Variants in LRP1B observed in about 807,000 individuals in gnomAD.
LRP1B encodes the protein low-density lipoprotein receptor-related protein 1B.
A neutral mutation model predicts 556.6 loss-of-function variants in LRP1B; 217 were observed. The observed-to-expected ratio is 0.39, with a 90% confidence interval of 0.35 to 0.44. The LOEUF is 0.44. Ranked by LOEUF, LRP1B falls within the 20% of genes least tolerant of loss-of-function variation. The pLI, the probability that LRP1B is intolerant of heterozygous loss-of-function variation, is 1.00. For synonymous variants in LRP1B, 2,047 were observed against 1,865.8 expected (o/e 1.10, Z -2.50); for missense variants, 5,053 against 5,620.8 (o/e 0.90, Z 3.23).
At chr2:141,720,882 C>T (rs1405009244) in intron 2 of LRP1B, among the ~76,000 whole-genome samples, 2 of 152,086 alleles carry the variant, frequency 1.3e-5, no homozygotes, top group Non-Finnish European at 2.9e-5. Flanking sequence ...ATTTCCAATG[C>T]ATTTCTACTG....
At chr2:141,198,751 C>T (rs1298110375) in intron 6 of LRP1B, among the ~76,000 whole-genome samples, 5 of 152,126 alleles carry the variant, frequency 3.3e-5, no homozygotes, top group Admixed American at 2.6e-4. Context: ...CCCTTCCCTA[C>T]AGCAGAAAAC....
chr2:140,979,246 T>C lies in LRP1B; in HGVS notation c.2887+2914A>G, dbSNP rs567971479. Reference sequence around the variant, plus strand: ...TGCTCATCTTGGTCTCCCAAAGCGCTGGAATTACAGGCATGAACCACCACA... The same window carrying C: ...TGCTCATCTTGGTCTCCCAAAGCGCCGGAATTACAGGCATGAACCACCACA... On this transcript the variant is annotated intron_variant, in intron 18 of 90. Transcript: ENST00000389484. 9.8e-5 allele frequency among the ~76,000 whole-genome samples: 15 copies of C among 152,310 alleles called. No homozygotes were observed. The South Asian group carries it at 2.9e-3, about 29-fold the overall frequency.
chr2:140,648,311 A>G (rs181104529), intron 41 of LRP1B, among the ~76,000 whole-genome samples: 2,296 of 152,180 alleles, frequency 0.015, 68 homozygotes, highest in African/African-American at 0.051. Context: ...GTGGGGAGGG[A>G]TAGCATTAGG....
intron 47 of LRP1B, among the ~76,000 whole-genome samples, chr2:140,533,812 G>T: frequency 6.6e-6 from 1 of 152,062 alleles, no homozygotes; most frequent in South Asian, 2.1e-4. Context: ...GAGTTTTAAG[G>T]GGAGGAAAGG....
chr2:140,589,614 G>C (rs900610196), intron 43 of LRP1B, among the ~76,000 whole-genome samples: 2 of 152,140 alleles, frequency 1.3e-5, no homozygotes, highest in African/African-American at 4.8e-5. Flanking sequence ...CAGCAGGAAA[G>C]AGAACAGACT....
intron 5 of LRP1B, among the ~76,000 whole-genome samples, chr2:141,240,367 T>TA (rs35301220): frequency 0.36 from 53,879 of 151,602 alleles, 9,657 homozygotes; most frequent in South Asian, 0.48. Flanking sequence ...TTTTTTTTCT[T>TA]AAAAAATGTC....
intron 2 of LRP1B, among the ~76,000 whole-genome samples, chr2:141,730,202 T>C (rs1693217900): frequency 6.6e-6 from 1 of 152,148 alleles, no homozygotes; most frequent in Non-Finnish European, 1.5e-5. Flanking sequence ...TCAGCCACCA[T>C]ACTGTGCAAG....
intron 3 of LRP1B, among the ~76,000 whole-genome samples, chr2:141,418,400 T>C (rs755845362): frequency 1.3e-5 from 2 of 152,060 alleles, no homozygotes; most frequent in African/African-American, 2.4e-5. Context: ...CATTTGGAGT[T>C]GATTTTTGTG....
intron 18 of LRP1B, among the ~76,000 whole-genome samples, chr2:140,972,433 A>G (rs571038282): frequency 6.6e-6 from 1 of 152,172 alleles, no homozygotes; most frequent in South Asian, 2.1e-4. Flanking sequence ...GAAAATTAAA[A>G]CTCCAAACCA....
intron 1 of LRP1B, among the ~76,000 whole-genome samples, chr2:141,961,315 T>C (rs1443550240): frequency 2.0e-5 from 3 of 151,852 alleles, no homozygotes; most frequent in Admixed American, 2.0e-4. Flanking sequence ...CTGTTTAACA[T>C]ACAGCCTCCA....
chr2:140,619,581 TC>T (rs912688086), intron 41 of LRP1B, among the ~76,000 whole-genome samples: 3 of 151,998 alleles, frequency 2.0e-5, no homozygotes, highest in African/African-American at 7.2e-5. Context: ...CAAGTGGGAG[TC>T]CCCGTATAAC....
intron 6 of LRP1B, among the ~76,000 whole-genome samples, chr2:141,193,174 C>G (rs1417296497): frequency 6.6e-6 from 1 of 151,900 alleles, no homozygotes; most frequent in Non-Finnish European, 1.5e-5. Context: ...AGCAGTATGG[C>G]AATTCCTCAA....
At chr2:140,454,548 A>C (rs1435538491) in intron 62 of LRP1B, among the ~76,000 whole-genome samples, 2 of 151,998 alleles carry the variant, frequency 1.3e-5, no homozygotes, top group Admixed American at 6.6e-5. Context: ...ACACATTTGG[A>C]TTTGTTTGTT....
intron 35 of LRP1B, among the ~76,000 whole-genome samples, chr2:140,746,072 TTG>T (rs1688302981): frequency 6.6e-6 from 1 of 152,042 alleles, no homozygotes; most frequent in Non-Finnish European, 1.5e-5. Flanking sequence ...CATAGGGTGG[TTG>T]TGAGTGTGCA....
chr2:140,718,848 T>G (rs887273777), intron 35 of LRP1B, among the ~76,000 whole-genome samples: 1 of 145,080 alleles, frequency 6.9e-6, no homozygotes. Context: ...TACAAGAGTC[T>G]TCACATATTT....
chr2:141,370,067 C>T (rs1015451204), intron 3 of LRP1B, among the ~76,000 whole-genome samples: 3 of 152,068 alleles, frequency 2.0e-5, no homozygotes, highest in African/African-American at 4.8e-5. Context: ...AGCTTGATTG[C>T]CTATCTTTGC....
At chr2:140,365,541 G>A (rs1682721399) in intron 71 of LRP1B, among the ~76,000 whole-genome samples, 1 of 151,652 alleles carries the variant, frequency 6.6e-6, no homozygotes, top group Non-Finnish European at 1.5e-5. Context: ...AGGCTATAAT[G>A]ACTTGAGAGT....
chr2:140,303,765 C>A (rs1310153066), intron 83 of LRP1B, among the ~76,000 whole-genome samples: 2 of 151,806 alleles, frequency 1.3e-5, no homozygotes, highest in African/African-American at 2.4e-5. Flanking sequence ...CCCATTAACT[C>A]GTCATTTACA....
chr2:141,237,137 T>G (rs1028445198), intron 5 of LRP1B, among the ~76,000 whole-genome samples: 1 of 152,122 alleles, frequency 6.6e-6, no homozygotes, highest in Non-Finnish European at 1.5e-5. Flanking sequence ...AGTTCAAAAT[T>G]GCAGTTATTG....
Sources: gnomAD v4.1 joint callset for allele counts (sites outside exome capture counted in the v4.1 genomes callset) on GRCh38, gnomAD v4.1.1 for gene constraint, MANE v1.5 for transcripts, NCBI Gene and HGNC (gene_info 2026-07-23, HGNC 2026-07-21) for gene names.